The following TTC17 variants were observed in gnomAD, a reference collection of about 807,000 sequenced individuals.
TTC17 encodes tetratricopeptide repeat protein 17.
TTC17 carries 58 observed loss-of-function variants against 143.8 expected under a neutral mutation model. The ratio of observed to expected loss-of-function variants is 0.40; its 90% CI spans 0.33 to 0.50. TTC17 has a LOEUF of 0.50. TTC17 is among the 20% of genes least tolerant of loss of function. The probability of loss-of-function intolerance (pLI) is 0.49; values close to 1 mark genes in which losing one functional copy is unlikely to be tolerated. For synonymous variants in TTC17, 501 were observed against 497.8 expected (o/e 1.01, Z -0.09); for missense variants, 1,273 against 1,392.5 (o/e 0.91, Z 1.37).
chr11:43,409,864 C>CA (rs1465304142), intron 15 of TTC17, among the ~76,000 whole-genome samples: 1 of 146,868 alleles, frequency 6.8e-6, no homozygotes, highest in Admixed American at 6.9e-5. Context: ...TTTTTTGAGA[C>CA]AAAATCTTGC....
chr11:43,430,541 A>G (rs1465657245), intron 16 of TTC17, among the ~76,000 whole-genome samples: 2 of 152,290 alleles, frequency 1.3e-5, no homozygotes, highest in East Asian at 3.9e-4. Flanking sequence ...CTGTCTATTA[A>G]AATGTCCTTT....
intron 21 of TTC17, among the ~76,000 whole-genome samples, chr11:43,454,906 T>C (rs1244894119): frequency 6.6e-6 from 1 of 151,970 alleles, no homozygotes; most frequent in Non-Finnish European, 1.5e-5. Flanking sequence ...AAGACCTAAA[T>C]AGCATAATCA....
chr11:43,425,357 C>T (rs1423393081), intron 16 of TTC17, among the ~76,000 whole-genome samples: 3 of 152,006 alleles, frequency 2.0e-5, no homozygotes, highest in Non-Finnish European at 4.4e-5. Context: ...TTCTAATTGG[C>T]AAAATACACA....
At chr11:43,485,867 A>C (rs948783990) in intron 21 of TTC17, among the ~76,000 whole-genome samples, 1 of 149,224 alleles carries the variant, frequency 6.7e-6, no homozygotes, top group African/African-American at 2.5e-5. Flanking sequence ...ACAATTTGGC[A>C]ATCTCTTGGT....
chr11:43,420,404 G>C (rs187323500), intron 16 of TTC17, among the ~76,000 whole-genome samples: 1 of 152,102 alleles, frequency 6.6e-6, no homozygotes, highest in Non-Finnish European at 1.5e-5. Flanking sequence ...GCATTTCTAC[G>C]TAAAACATGG....
At chr11:43,449,274 C>T (rs534114763) in intron 19 of TTC17, 1 of 152,428 alleles carries the variant, frequency 6.6e-6, no homozygotes, top group African/African-American at 2.4e-5. Context: ...TGCCCTCTCT[C>T]CTGCCAGGGC....
At position 43,430,709 on chromosome 11, in the gene TTC17, GCACACACACACACA is replaced by G. The variant is rs10658685; in HGVS notation, c.2252-12589_2252-12576del. On this transcript the variant is annotated intron_variant, in intron 16 of 23. Coordinates refer to ENST00000039989, the MANE Select transcript of TTC17 (RefSeq NM_018259.6). ...TGCCCCCAGCATCCCCTACATACAC[GCACACACACACACA>G]CACACACACACACACACACACACAC... Among the ~76,000 whole-genome samples the G allele has an allele frequency of 1.4e-4, 20 of 138,542 alleles. 1 individual carries two copies. In the East Asian group the frequency reaches 2.3e-3, roughly 16 times the overall value. The allele number at this position is 138,542 out of a possible 152,430, so 90.9% of individuals were successfully genotyped here.
At position 43,391,595 on chromosome 11, in the gene TTC17, G is replaced by A; in HGVS notation, c.531+19G>A. The A allele has an allele frequency of 1.5e-6, 2 of 1,311,392 alleles. No individual in the cohort carries two copies. The highest frequency in any genetic ancestry group is 3.4e-5 in the Admixed American group (1 of 29,244). The allele number at this position is 1,311,392 out of a possible 1,614,324, so 81.2% of individuals were successfully genotyped here. On this transcript the variant is annotated intron_variant, in intron 4 of 23. Coordinates refer to ENST00000039989, the MANE Select transcript of TTC17 (RefSeq NM_018259.6). ...CTTGAGAGTAAGTAGAGAACTTTAG[G>A]ATTTTTTTTTTTTTGCGTTGCGTTC... is the stretch of plus-strand genomic sequence containing the variant.
At chr11:43,396,657 T>C in intron 5 of TTC17, 52 bp from the exon 6 acceptor site, 1 of 1,101,338 alleles carries the variant, frequency 9.1e-7, no homozygotes, top group South Asian at 1.8e-5. Context: ...TTGAGTATTC[T>C]AAGTTAAACT....
intron 16 of TTC17, among the ~76,000 whole-genome samples, chr11:43,433,126 A>C (rs1177298525): frequency 6.6e-6 from 1 of 152,050 alleles, no homozygotes; most frequent in African/African-American, 2.4e-5. Context: ...TCAGCCTCCC[A>C]AGTAGCTGGG....
intron 16 of TTC17, among the ~76,000 whole-genome samples, chr11:43,439,464 T>G (rs1947365387): frequency 6.6e-6 from 1 of 151,766 alleles, no homozygotes; most frequent in African/African-American, 2.4e-5. Flanking sequence ...GTCTTGTTTT[T>G]TTTTGGTTTT....
At chr11:43,403,330 C>T (rs1003399421) in intron 10 of TTC17, among the ~76,000 whole-genome samples, 5 of 152,140 alleles carry the variant, frequency 3.3e-5, no homozygotes, top group Admixed American at 6.5e-5. Context: ...GCTACAAATT[C>T]GTCATATTCA....
In TTC17 at chr11:43,451,928, C is replaced by G. The variant is rs74676602; in HGVS notation, c.3030+663C>G. ...GTGAGATAGCAACTTCCTTCATCTTCCGAGTATCGCACATGGAAAAATCAT... is the reference window on the plus strand; with the variant it reads ...GTGAGATAGCAACTTCCTTCATCTTGCGAGTATCGCACATGGAAAAATCAT... On this transcript the variant is annotated intron_variant, in intron 21 of 23. Coordinates refer to ENST00000039989, the MANE Select transcript of TTC17 (RefSeq NM_018259.6). 1.9e-3 allele frequency among the ~76,000 whole-genome samples: 283 copies of G among 152,250 alleles called. 3 individuals are homozygous for G. The highest frequency in any genetic ancestry group is 6.5e-3 in the African/African-American group (272 of 41,552).
chr11:43,359,113 G>A lies in TTC17; in HGVS notation c.159G>A (p.Gln53=). ...CGGAGGACGGGAAAATCCAGCAGCA[G>A]GTAGCGGCCGGGGCGTCCCTCTTCT... ...VVTEDGKIQQ[Q]VDSPMNLKHP... Residue 53 remains glutamine (Q), a splice_region_variant and synonymous_variant, in exon 1 of 24, where the codon CAG becomes CAA. Coordinates refer to ENST00000039989, the MANE Select transcript of TTC17 (RefSeq NM_018259.6). 6.3e-7 allele frequency: 1 copy of A among 1,581,884 alleles called. No individual in the cohort carries two copies. The highest frequency in any genetic ancestry group is 8.6e-7 in the Non-Finnish European group (1 of 1,166,218).
At chr11:43,486,855 G>C (rs1320265779) in intron 21 of TTC17, among the ~76,000 whole-genome samples, 1 of 151,818 alleles carries the variant, frequency 6.6e-6, no homozygotes, top group Non-Finnish European at 1.5e-5. Flanking sequence ...GGACAACATG[G>C]CAAAATCACA....
At chr11:43,398,534 G>C (rs1263448589) in intron 8 of TTC17, among the ~76,000 whole-genome samples, 1 of 152,152 alleles carries the variant, frequency 6.6e-6, no homozygotes, top group African/African-American at 2.4e-5. Context: ...TTGGAGAGAG[G>C]TGGTGGCTCC....
At chr11:43,373,107 T>C (rs1306381977) in intron 1 of TTC17, among the ~76,000 whole-genome samples, 1 of 152,150 alleles carries the variant, frequency 6.6e-6, no homozygotes, top group Non-Finnish European at 1.5e-5. Context: ...TTTCAAGTAA[T>C]TTTTATTTTC....
chr11:43,451,222 C>A lies in TTC17; in HGVS notation c.2987C>A (p.Ser996Ter). Residue 996 changes from serine (S) to a stop codon, truncating the protein, a stop_gained, in exon 21 of 24, where the codon TCG becomes TAG. Transcript: ENST00000039989. LOFTEE classifies it high-confidence loss of function. ...GGCAAAGACCAATATCCACAACAGT[C>A]GCTTGAACAGATTGGCACCCGAATT... is the stretch of plus-strand genomic sequence containing the variant. The part of the protein sequence containing the change: ...NLGKDQYPQQ[S>*]LEQIGTRIAK... 2 of 1,613,842 alleles carry A rather than the reference C, an allele frequency of 1.2e-6. No homozygotes were observed. Among genetic ancestry groups the A allele is most frequent in the African/African-American group, 2.7e-5 (2 of 75,042 alleles).
intron 21 of TTC17, among the ~76,000 whole-genome samples, chr11:43,453,761 G>A (rs183181257): frequency 3.3e-4 from 51 of 152,262 alleles, no homozygotes; most frequent in Non-Finnish European, 4.9e-4. Flanking sequence ...CTTACCATGG[G>A]GTTACATCCT....
Sources: allele counts gnomAD v4.1 joint callset (sites outside exome capture counted in the v4.1 genomes callset), GRCh38; gene constraint gnomAD v4.1.1; transcripts MANE v1.5; gene names NCBI Gene and HGNC (gene_info 2026-07-23, HGNC 2026-07-21).